The following NCOA1 variants were observed in gnomAD, a reference collection of about 807,000 sequenced individuals.
The protein encoded by NCOA1 is Hin-2 protein.
A neutral mutation model predicts 150.9 loss-of-function variants in NCOA1; 35 were observed. The observed-to-expected ratio is 0.23, with a 90% CI of 0.18 to 0.31. The LOEUF (loss-of-function observed/expected upper bound fraction) is 0.31. Among genes scored for constraint, NCOA1 ranks in the 10% least tolerant of loss-of-function variants. The pLI, the probability that NCOA1 is intolerant of heterozygous loss-of-function variation, is 1.00. For missense variants in NCOA1, 1,491 were observed against 1,749.3 expected, an observed-to-expected ratio of 0.85 and a Z score of 2.63; for synonymous variants, 590 against 630.0, an observed-to-expected ratio of 0.94 and a Z score of 0.95.
intron 5 of NCOA1, among the ~76,000 whole-genome samples, chr2:24,663,764 A>C (rs1671289040): frequency 6.6e-6 from 1 of 152,068 alleles, no homozygotes; most frequent in Non-Finnish European, 1.5e-5. Context: ...TCCTAGTCTC[A>C]ATCTCTAGTC....
At chr2:24,760,376 C>T (rs1224764467) in intron 21 of NCOA1, among the ~76,000 whole-genome samples, 1 of 135,094 alleles carries the variant, frequency 7.4e-6, no homozygotes, top group African/African-American at 2.8e-5. Flanking sequence ...CCAGGATGGT[C>T]TCAATCTCCT....
chr2:24,533,716 C>T (rs1664997514), intron 1 of NCOA1, among the ~76,000 whole-genome samples: 2 of 152,050 alleles, frequency 1.3e-5, no homozygotes, highest in African/African-American at 2.4e-5. Context: ...TGGTTTTTGT[C>T]ATTGGTTCTG....
At chr2:24,698,716 T>G (rs1673014650) in intron 11 of NCOA1, among the ~76,000 whole-genome samples, 1 of 152,232 alleles carries the variant, frequency 6.6e-6, no homozygotes, top group South Asian at 2.1e-4. Context: ...GTATGGCTTT[T>G]CCTGAAAAAC....
chr2:24,627,690 A>G (rs532889039), intron 3 of NCOA1, among the ~76,000 whole-genome samples: 3 of 152,314 alleles, frequency 2.0e-5, no homozygotes, highest in African/African-American at 7.2e-5. Context: ...TGTTTTGGAG[A>G]TTTAGAACAA....
chr2:24,742,135 A>G lies in NCOA1; in HGVS notation c.3655A>G (p.Thr1219Ala), dbSNP rs144221578. ...AGGAAACATAGGAGGACAGTTTGGC[A>G]CTGGAATCAATCCTCAGATGCAGCA... ...MTGNIGGQFG[T>A]GINPQMQQNV... is the part of the protein sequence containing the mutation. Residue 1219 changes from threonine (T) to alanine (A), a missense_variant, in exon 19 of 23, where the codon ACT becomes GCT. By Grantham distance (58) the Thr-to-Ala change is moderately conservative. Around this residue, in one of 8 missense-constraint regions of NCOA1, gnomAD observed 485 missense variants for 522.8 expected, o/e 0.93. Transcript: ENST00000348332. The G allele has an allele frequency of 4.3e-6, 7 of 1,613,940 alleles. No homozygotes were observed. In the African/African-American group the frequency reaches 9.3e-5, roughly 22 times the overall value.
intron 1 of NCOA1, among the ~76,000 whole-genome samples, chr2:24,508,002 G>T (rs1404399481): frequency 6.6e-6 from 1 of 152,080 alleles, no homozygotes; most frequent in Non-Finnish European, 1.5e-5. Context: ...TGAAATTTCA[G>T]ATTAATTTTC....
intron 1 of NCOA1, among the ~76,000 whole-genome samples, chr2:24,553,824 T>C (rs1243724041): frequency 6.6e-6 from 1 of 152,240 alleles, no homozygotes; most frequent in Non-Finnish European, 1.5e-5. Flanking sequence ...CGTTTTCTTC[T>C]TGTTTCTGGA....
chr2:24,629,479 G>GT lies in NCOA1; in HGVS notation c.-174-14469dup, dbSNP rs11333104. Among the ~76,000 whole-genome samples, 1,109 of 132,398 alleles carry GT rather than the reference G, an allele frequency of 8.4e-3. 15 individuals carry two copies. The highest frequency in any genetic ancestry group is 0.025 in the African/African-American group (879 of 35,820). 86.9% of individuals were successfully genotyped at this position (132,398 alleles called of 152,430 possible). A position where few individuals can be genotyped will look rare whatever the true frequency, so the allele number is the denominator to read the frequency against. On this transcript the variant is annotated intron_variant, in intron 3 of 22. Coordinates refer to ENST00000348332, the MANE Select transcript of NCOA1 (RefSeq NM_003743.5). ...GTTGACCTCTTACTGTACTGTTTGG[G>GT]TTTTTTTTTTTTTTTTTTACACTTT...
At chr2:24,759,327 C>G (rs1253065061) in intron 21 of NCOA1, among the ~76,000 whole-genome samples, 1 of 152,096 alleles carries the variant, frequency 6.6e-6, no homozygotes, top group East Asian at 1.9e-4. Flanking sequence ...GTTGCCTAAA[C>G]AGAATAGAAA....
intron 4 of NCOA1, among the ~76,000 whole-genome samples, chr2:24,656,865 G>T (rs1670974905): frequency 1.3e-5 from 2 of 152,102 alleles, no homozygotes; most frequent in Non-Finnish European, 2.9e-5. Context: ...CCATATATCT[G>T]TTGATGGACA....
chr2:24,707,067 T>C lies in NCOA1; in HGVS notation c.1597T>C (p.Tyr533His). ...SSACNNNNRS[Y>H]SNIPVTSLQG... ...TGCCTGTAATAATAATAACCGATCTTATTCAAACATCCCAGTAACATCTTT... is the reference window on the plus strand; with the variant it reads ...TGCCTGTAATAATAATAACCGATCTCATTCAAACATCCCAGTAACATCTTT... Residue 533 changes from tyrosine to histidine, a missense_variant, in exon 13 of 23, where the codon TAT becomes CAT. By Grantham distance (83) the Tyr-to-His change is moderately conservative. This residue lies in a region of NCOA1 where 703 missense variants were observed against 717.7 expected (regional missense o/e 0.98). Transcript: ENST00000348332. 1 of 1,614,202 alleles carries C rather than the reference T, an allele frequency of 6.2e-7. No individual in the cohort carries two copies.
rs1662959515 is a variant in NCOA1, at chr2:24,491,557, G to T, written c.-441G>T. On this transcript the variant is annotated 5_prime_UTR_variant, in exon 1 of 23. Transcript: ENST00000348332. The stretch of plus-strand genomic sequence containing the variant: ...GGGCGGCGCCGCCGCCACGGTCGCG[G>T]ACGAGTGCGGCGCCGGTGAGCGGGG... Among the ~76,000 whole-genome samples the T allele has an allele frequency of 9.1e-6, 1 of 109,450 alleles. No individual in the cohort carries two copies. Among genetic ancestry groups the T allele is most frequent in the Non-Finnish European group, 1.8e-5 (1 of 56,994 alleles). The allele number at this position is 109,450 out of a possible 152,430, so 71.8% of individuals were successfully genotyped here.
intron 1 of NCOA1, among the ~76,000 whole-genome samples, chr2:24,513,298 A>G (rs1376360957): frequency 6.6e-6 from 1 of 152,150 alleles, no homozygotes; most frequent in Non-Finnish European, 1.5e-5. Context: ...CAGAGGAAAC[A>G]TTGTTCTGAA....
intron 2 of NCOA1, among the ~76,000 whole-genome samples, chr2:24,578,361 A>G (rs1191768289): frequency 6.6e-6 from 1 of 152,172 alleles, no homozygotes; most frequent in East Asian, 1.9e-4. Flanking sequence ...GTAATCTTCT[A>G]AAGTAAGAAG....
intron 6 of NCOA1, 43 bp downstream of exon 6, chr2:24,665,958 T>A: frequency 8.3e-7 from 1 of 1,209,204 alleles, no homozygotes; most frequent in Non-Finnish European, 1.1e-6. Flanking sequence ...GCTTTGTTAT[T>A]AAGACATTTA....
At position 24,537,482 on chromosome 2, in the gene NCOA1, A is replaced by G. The variant is rs565392845; in HGVS notation, c.-395-26813A>G. 7.2e-3 allele frequency among the ~76,000 whole-genome samples: 1,080 copies of G among 150,312 alleles called. 15 individuals carry two copies. Among genetic ancestry groups the G allele is most frequent in the African/African-American group, 0.024 (989 of 40,980 alleles). ...GTGTGTATATATATATAATATATGT[A>G]TGTGTGTGTGTGTGTGTCTCTCTCT... is the stretch of plus-strand genomic sequence containing the variant. On this transcript the variant is annotated intron_variant, in intron 1 of 22. Transcript: ENST00000348332.
rs1382989848 is a variant in NCOA1 at position 24,650,454 on chromosome 2, T to A, written c.-18+6332T>A. ...ATTAAAATTAAAAACTTTTGTTCAT[T>A]AAAGAATACTGTAAAGAAAATGAAA... On this transcript the variant is annotated intron_variant, in intron 4 of 22. Coordinates refer to ENST00000348332, the MANE Select transcript of NCOA1 (RefSeq NM_003743.5). 3.3e-5 allele frequency among the ~76,000 whole-genome samples: 5 copies of A among 152,122 alleles called. No homozygotes were observed. In the East Asian group the frequency reaches 9.6e-4, roughly 29 times the overall value.
At chr2:24,625,754 T>G (rs1262287315) in intron 3 of NCOA1, among the ~76,000 whole-genome samples, 1 of 150,726 alleles carries the variant, frequency 6.6e-6, no homozygotes, top group East Asian at 1.9e-4. Flanking sequence ...CTGTTTTGTT[T>G]TTTTTTTTTC....
At chr2:24,724,725 C>T (rs995036669) in intron 14 of NCOA1, among the ~76,000 whole-genome samples, 1 of 151,916 alleles carries the variant, frequency 6.6e-6, no homozygotes. Context: ...AGACAGTGGA[C>T]AGCCATGTAA....
Sources: allele counts gnomAD v4.1 joint callset (sites outside exome capture counted in the v4.1 genomes callset), GRCh38; gene constraint gnomAD v4.1.1; regional missense constraint gnomAD v4.1.1; transcripts MANE v1.5; gene names NCBI Gene and HGNC (gene_info 2026-07-23, HGNC 2026-07-21).